Variants in ERC1 observed in about 807,000 individuals in gnomAD.
ERC1 encodes the protein RAB6 interacting protein 2.
In ERC1, 56 loss-of-function variants were observed where a neutral mutation model predicts 132.0. The ratio of observed to expected loss-of-function variants is 0.42; its 90% CI spans 0.34 to 0.53. The LOEUF is 0.53. ERC1 is among the 20% of genes least tolerant of loss of function. The pLI, the probability that ERC1 is intolerant of heterozygous loss-of-function variation, is 0.03. For synonymous variants in ERC1, 478 were observed against 476.1 expected (o/e 1.00, Z -0.05); for missense variants, 1,202 against 1,349.9 (o/e 0.89, Z 1.72).
At chr12:1,050,919 C>T (rs1041412810) in intron 2 of ERC1, among the ~76,000 whole-genome samples, 2 of 152,146 alleles carry the variant, frequency 1.3e-5, no homozygotes, top group Admixed American at 6.5e-5. Context: ...GCAGGAGAAT[C>T]GCTTGAACCC....
intron 16 of ERC1, 145 bp downstream of exon 16, chr12:1,372,122 A>T: frequency 1.9e-6 from 2 of 1,036,716 alleles, no homozygotes; most frequent in South Asian, 3.8e-5. Context: ...ATCATTAGAG[A>T]CTTTTTATCT....
At chr12:1,267,218 A>G (rs2077537453) in intron 14 of ERC1, among the ~76,000 whole-genome samples, 1 of 152,264 alleles carries the variant, frequency 6.6e-6, no homozygotes, top group Non-Finnish European at 1.5e-5. Flanking sequence ...CCCACAGGGG[A>G]GAACCCAACA....
chr12:1,034,314 G>A (rs1968643636), intron 2 of ERC1, among the ~76,000 whole-genome samples: 1 of 152,064 alleles, frequency 6.6e-6, no homozygotes, highest in African/African-American at 2.4e-5. Flanking sequence ...GGTAATATAT[G>A]CATGTAGTCT....
intron 13 of ERC1, among the ~76,000 whole-genome samples, chr12:1,252,201 T>G (rs1379999844): frequency 6.6e-6 from 1 of 152,198 alleles, no homozygotes; most frequent in African/African-American, 2.4e-5. Context: ...TAGTTATAGT[T>G]GCCTTATTAT....
intron 15 of ERC1, among the ~76,000 whole-genome samples, chr12:1,296,690 G>A (rs56324058): frequency 0.21 from 31,956 of 152,000 alleles, 3,936 homozygotes; most frequent in Non-Finnish European, 0.28. Context: ...GTCAGCCACC[G>A]TGCCCAGCCT....
chr12:1,495,542 T>C lies in ERC1; in HGVS notation c.*5312T>C, dbSNP rs148476833. 1 of 229,102 alleles carries C rather than the reference T, an allele frequency of 4.4e-6. No individual in the cohort carries two copies. The highest frequency in any genetic ancestry group is 6.2e-5 in the East Asian group (1 of 16,090). The allele number at this position is 229,102 out of a possible 1,614,324, so 14.2% of individuals were successfully genotyped here. On this transcript the variant is annotated 3_prime_UTR_variant, in exon 19 of 19. Transcript: ENST00000360905. Reference sequence around the variant, plus strand: ...ATCCTGAGGGCAGCACCACCCACTCTGGCCTGCTGGCCCATCGCAGGACTA... The same window carrying C: ...ATCCTGAGGGCAGCACCACCCACTCCGGCCTGCTGGCCCATCGCAGGACTA...
chr12:1,360,009 A>G (rs2085931716), intron 15 of ERC1, among the ~76,000 whole-genome samples: 1 of 152,168 alleles, frequency 6.6e-6, no homozygotes, highest in Non-Finnish European at 1.5e-5. Context: ...AATCTTAAAA[A>G]TTTTTAGTGG....
chr12:1,305,856 C>A (rs2080846740), intron 15 of ERC1, among the ~76,000 whole-genome samples: 1 of 152,030 alleles, frequency 6.6e-6, no homozygotes, highest in Admixed American at 6.6e-5. Flanking sequence ...AGATATATAT[C>A]TGTTGCAAAG....
At chr12:1,292,237 T>C (rs2079506318) in intron 15 of ERC1, among the ~76,000 whole-genome samples, 2 of 152,182 alleles carry the variant, frequency 1.3e-5, no homozygotes, top group African/African-American at 4.8e-5. Context: ...TTGACTGCCC[T>C]GACAACTGGT....
At chr12:995,419 C>T (rs999061848) in intron 1 of ERC1, among the ~76,000 whole-genome samples, 5 of 151,954 alleles carry the variant, frequency 3.3e-5, no homozygotes, top group Middle Eastern at 3.4e-3. Flanking sequence ...TGGTTGTTTG[C>T]GGGATGTGGG....
chr12:1,299,729 T>C (rs1363681185), intron 15 of ERC1, among the ~76,000 whole-genome samples: 1 of 151,808 alleles, frequency 6.6e-6, no homozygotes, highest in Non-Finnish European at 1.5e-5. Flanking sequence ...TAAAAAAAAA[T>C]TGATAGGTCC....
chr12:1,076,723 G>A (rs898393846), intron 2 of ERC1, among the ~76,000 whole-genome samples: 1 of 152,108 alleles, frequency 6.6e-6, no homozygotes, highest in African/African-American at 2.4e-5. Flanking sequence ...TTTTTTTAAG[G>A]AAGAGGTATA....
intron 11 of ERC1, among the ~76,000 whole-genome samples, chr12:1,183,753 G>A (rs993693535): frequency 1.3e-5 from 2 of 151,668 alleles, no homozygotes. Context: ...GGTAACTCAT[G>A]CCTGTAATTC....
chr12:1,422,073 T>A (rs960788175), intron 17 of ERC1, among the ~76,000 whole-genome samples: 1 of 152,230 alleles, frequency 6.6e-6, no homozygotes, highest in Non-Finnish European at 1.5e-5. Context: ...TTCAGTCTTT[T>A]CCCATAATCC....
At chr12:1,358,208 T>C (rs2085725711) in intron 15 of ERC1, among the ~76,000 whole-genome samples, 1 of 146,764 alleles carries the variant, frequency 6.8e-6, no homozygotes, top group African/African-American at 2.5e-5. Context: ...AGCAAGGCCT[T>C]GTCTGTTCAA....
chr12:1,036,770 A>C (rs1969177043), intron 2 of ERC1, among the ~76,000 whole-genome samples: 1 of 152,088 alleles, frequency 6.6e-6, no homozygotes, highest in East Asian at 1.9e-4. Flanking sequence ...TATTGTTTTA[A>C]TTTTCTTTTT....
At chr12:1,303,481 A>C (rs2154346136) in intron 15 of ERC1, among the ~76,000 whole-genome samples, 1 of 140,532 alleles carries the variant, frequency 7.1e-6, no homozygotes, top group East Asian at 2.0e-4. Flanking sequence ...CTAAAAATAC[A>C]AAAAAAAATT....
intron 15 of ERC1, among the ~76,000 whole-genome samples, chr12:1,328,124 C>T (rs1371222931): frequency 6.6e-6 from 1 of 151,992 alleles, no homozygotes; most frequent in African/African-American, 2.4e-5. Context: ...CAGGTTAATA[C>T]TTGGTTGTTT....
intron 8 of ERC1, among the ~76,000 whole-genome samples, chr12:1,172,317 A>C (rs1341476482): frequency 2.0e-5 from 3 of 151,798 alleles, no homozygotes; most frequent in Non-Finnish European, 4.4e-5. Context: ...AAAAATTAAA[A>C]ATCGGCTGGG....
Sources: gnomAD v4.1 joint callset for allele counts (sites outside exome capture counted in the v4.1 genomes callset) on GRCh38, gnomAD v4.1.1 for gene constraint, MANE v1.5 for transcripts, NCBI Gene and HGNC (gene_info 2026-07-23, HGNC 2026-07-21) for gene names.